Variants in RANBP17 observed in about 807,000 individuals in gnomAD.
The protein encoded by RANBP17 is ran-binding protein 17.
A neutral mutation model predicts 141.2 loss-of-function variants in RANBP17; 158 were observed. The observed-to-expected ratio is 1.12, with a 90% CI of 0.98 to 1.28. RANBP17 has a LOEUF of 1.28. Among genes scored for constraint, RANBP17 ranks in the 50% most tolerant of loss-of-function variants. The probability of loss-of-function intolerance (pLI) is 0.00; values close to 1 mark genes in which losing one functional copy is unlikely to be tolerated. For missense variants in RANBP17, 1,438 were observed against 1,290.7 expected (o/e 1.11, Z -1.75); for synonymous variants, 430 against 450.0 (o/e 0.96, Z 0.56).
intron 14 of RANBP17, among the ~76,000 whole-genome samples, chr5:170,980,318 A>G (rs1486909542): frequency 6.6e-6 from 1 of 152,234 alleles, no homozygotes; most frequent in African/African-American, 2.4e-5. Flanking sequence ...GAGAAATGCA[A>G]GCTGGCTGCA....
At chr5:171,285,204 C>T (rs1298670255) in intron 25 of RANBP17, among the ~76,000 whole-genome samples, 1 of 152,194 alleles carries the variant, frequency 6.6e-6, no homozygotes, top group Admixed American at 6.5e-5. Context: ...CTTAAAATCA[C>T]CTATCCTATG....
intron 25 of RANBP17, among the ~76,000 whole-genome samples, chr5:171,283,683 A>G (rs902520664): frequency 3.9e-5 from 6 of 152,222 alleles, no homozygotes; most frequent in African/African-American, 1.4e-4. Flanking sequence ...CATGAGCATG[A>G]TGATTGGGTG....
intron 14 of RANBP17, among the ~76,000 whole-genome samples, chr5:171,079,814 G>T (rs1479500639): frequency 6.6e-6 from 1 of 152,320 alleles, no homozygotes; most frequent in East Asian, 1.9e-4. Context: ...GCAGACACAA[G>T]TATTTGTATG....
chr5:171,069,896 G>A (rs1784534453), intron 14 of RANBP17, among the ~76,000 whole-genome samples: 1 of 152,158 alleles, frequency 6.6e-6, no homozygotes, highest in Non-Finnish European at 1.5e-5. Flanking sequence ...TAGGTTTGCT[G>A]TAGTGCTGTT....
chr5:171,067,605 A>T (rs779654), intron 14 of RANBP17, among the ~76,000 whole-genome samples: 92,858 of 151,812 alleles, frequency 0.61, 29,769 homozygotes, highest in South Asian at 0.88. Context: ...AAATTTTTTT[A>T]AATCTAGGAA....
At chr5:171,113,713 A>AT (rs1386794420) in intron 14 of RANBP17, among the ~76,000 whole-genome samples, 14 of 152,192 alleles carry the variant, frequency 9.2e-5, no homozygotes, top group Non-Finnish European at 1.6e-4. Context: ...AGAATGTGTG[A>AT]TTTTAACTTC....
intron 14 of RANBP17, among the ~76,000 whole-genome samples, chr5:171,037,313 A>G (rs1332523182): frequency 6.6e-6 from 1 of 151,746 alleles, no homozygotes; most frequent in East Asian, 1.9e-4. Flanking sequence ...TGCTTGCTGA[A>G]TTGTTTACAT....
At chr5:171,202,094 G>T (rs959297235) in intron 19 of RANBP17, among the ~76,000 whole-genome samples, 2 of 152,202 alleles carry the variant, frequency 1.3e-5, no homozygotes, top group African/African-American at 2.4e-5. Context: ...TTAAGGACCT[G>T]TGTTGCCAAA....
chr5:170,882,070 G>C (rs1445423224), intron 3 of RANBP17, among the ~76,000 whole-genome samples, 174 bp downstream of exon 3: 1 of 152,008 alleles, frequency 6.6e-6, no homozygotes, highest in Admixed American at 6.6e-5. Context: ...ATAAAGCAAC[G>C]TCTAATCAAA....
intron 5 of RANBP17, among the ~76,000 whole-genome samples, chr5:170,900,020 G>C (rs1311468876): frequency 6.6e-6 from 1 of 152,130 alleles, no homozygotes; most frequent in Non-Finnish European, 1.5e-5. Flanking sequence ...TCAGGATGAT[G>C]CTGGCCTCAT....
chr5:171,078,808 A>T (rs1358211356), intron 14 of RANBP17, among the ~76,000 whole-genome samples: 3 of 152,250 alleles, frequency 2.0e-5, no homozygotes, highest in Non-Finnish European at 4.4e-5. Flanking sequence ...ATTATTGCTC[A>T]TTGACCACAC....
intron 18 of RANBP17, among the ~76,000 whole-genome samples, chr5:171,189,080 A>C (rs1761459779): frequency 6.6e-6 from 1 of 152,166 alleles, no homozygotes; most frequent in Non-Finnish European, 1.5e-5. Context: ...TTTTAAATGT[A>C]AATATCTGTT....
At chr5:170,904,215 T>C (rs1314081273) in intron 5 of RANBP17, 1 of 278,076 alleles carries the variant, frequency 3.6e-6, no homozygotes, top group African/African-American at 2.3e-5. Context: ...TTTTATTCAT[T>C]ATTAGCTTTA....
chr5:170,938,189 A>G (rs1042189893), intron 12 of RANBP17, among the ~76,000 whole-genome samples: 2 of 152,210 alleles, frequency 1.3e-5, no homozygotes, highest in Non-Finnish European at 2.9e-5. Flanking sequence ...CAATGATGAA[A>G]TTCGTGACAA....
At chr5:171,119,720 C>G (rs1446528649) in intron 14 of RANBP17, among the ~76,000 whole-genome samples, 1 of 152,050 alleles carries the variant, frequency 6.6e-6, no homozygotes, top group Non-Finnish European at 1.5e-5. Context: ...CCCAGTAATG[C>G]TGTGGTTTTT....
chr5:170,970,486 T>A (rs768685967), intron 14 of RANBP17: 1 of 152,118 alleles, frequency 6.6e-6, no homozygotes, highest in Non-Finnish European at 1.5e-5. Flanking sequence ...GGTAAACTTA[T>A]TTCAGGTTCT....
chr5:170,902,942 G>A (rs573782010), intron 5 of RANBP17, among the ~76,000 whole-genome samples: 1 of 152,180 alleles, frequency 6.6e-6, no homozygotes. Context: ...GTGCTCTCCT[G>A]TATGAGGTGT....
At chr5:171,243,392 G>GTATGTA (rs1414191652) in intron 24 of RANBP17, among the ~76,000 whole-genome samples, 2 of 152,088 alleles carry the variant, frequency 1.3e-5, no homozygotes, top group African/African-American at 4.8e-5. Flanking sequence ...TTATTCCATT[G>GTATGTA]TATGTATTAT....
chr5:171,094,532 C>T (rs765026119), intron 14 of RANBP17, among the ~76,000 whole-genome samples: 2 of 152,004 alleles, frequency 1.3e-5, no homozygotes, highest in African/African-American at 4.8e-5. Context: ...GGATCCTCTT[C>T]GCAATATTTT....
Sources: gnomAD v4.1 joint callset for allele counts (sites outside exome capture counted in the v4.1 genomes callset) on GRCh38, gnomAD v4.1.1 for gene constraint, MANE v1.5 for transcripts, NCBI Gene and HGNC (gene_info 2026-07-23, HGNC 2026-07-21) for gene names.